The following CAPN3 variants were observed in gnomAD, a reference collection of about 807,000 sequenced individuals.
The protein encoded by CAPN3 is calpain-3.
CAPN3 carries 88 observed loss-of-function variants against 114.0 expected under a neutral mutation model. The ratio of observed to expected loss-of-function variants is 0.77; its 90% CI spans 0.65 to 0.92. CAPN3 has a LOEUF of 0.92. Among genes scored for constraint, CAPN3 ranks in the 40% least tolerant of loss-of-function variants. The pLI is 0.00. For synonymous variants in CAPN3, 386 were observed against 382.9 expected (o/e 1.01, Z -0.09); for missense variants, 1,028 against 1,069.0 (o/e 0.96, Z 0.53).
chr15:42,408,984 C>T lies in CAPN3; in HGVS notation c.1915-319C>T, dbSNP rs371231455. The stretch of plus-strand genomic sequence containing the variant: ...GAACGGTCAGACCTTCTTTGACCTG[C>T]GGGCACCTTTAGTTGGAATGGTCAG... On this transcript the variant is annotated intron_variant, in intron 16 of 23. Coordinates refer to ENST00000397163, the MANE Select transcript of CAPN3 (RefSeq NM_000070.3). 114 of 399,004 alleles carry T rather than the reference C, an allele frequency of 2.9e-4. 1 individual carries two copies. The East Asian group carries it at 3.9e-3, about 14-fold the overall frequency. The allele number at this position is 399,004 out of a possible 1,614,324, so 24.7% of individuals were successfully genotyped here.
intron 1 of CAPN3, among the ~76,000 whole-genome samples, chr15:42,380,952 G>A (rs2053236632): frequency 6.6e-6 from 1 of 151,378 alleles, no homozygotes; most frequent in Admixed American, 6.6e-5. Flanking sequence ...TCATGCTAGA[G>A]TTTCCAGTAT....
chr15:42,392,596 T>G (rs751269116), intron 6 of CAPN3, 43 bp from the exon 7 acceptor site: 2 of 1,502,432 alleles, frequency 1.3e-6, no homozygotes, highest in South Asian at 2.3e-5. Flanking sequence ...GCAGAACTTC[T>G]GTTCCCCCGC....
intron 14 of CAPN3, chr15:42,404,185 C>T (rs1274645222): frequency 2.2e-6 from 1 of 458,856 alleles, no homozygotes; most frequent in African/African-American, 2.0e-5. Flanking sequence ...CTCCACTTAC[C>T]AGCGGGGTGA....
chr15:42,399,747 C>T (rs1040610516), intron 10 of CAPN3, 95 bp downstream of exon 10: 30 of 1,056,526 alleles, frequency 2.8e-5, no homozygotes, highest in Admixed American at 5.3e-5. Flanking sequence ...CTGTTCCAGA[C>T]GTCCACTATC....
At chr15:42,411,055 C>A in intron 22 of CAPN3, 55 bp downstream of exon 22, 1 of 1,354,654 alleles carries the variant, frequency 7.4e-7, no homozygotes, top group African/African-American at 1.4e-5. Context: ...GTTGTGGCAA[C>A]AGGCATCTCA....
chr15:42,372,494 C>A (rs145428452), intron 1 of CAPN3, among the ~76,000 whole-genome samples: 1 of 152,160 alleles, frequency 6.6e-6, no homozygotes, highest in African/African-American at 2.4e-5. Context: ...TATTCCTAGG[C>A]ATCTTTTAAC....
At chr15:42,397,299 T>C (rs2053722602) in intron 9 of CAPN3, among the ~76,000 whole-genome samples, 1 of 152,176 alleles carries the variant, frequency 6.6e-6, no homozygotes, top group Non-Finnish European at 1.5e-5. Flanking sequence ...GAGAGCCCCC[T>C]AAGTTCCCCG....
Position 42,411,325 on chromosome 15 carries a change from A to G in CAPN3, c.2419A>G (p.Ile807Val), listed in dbSNP as rs757292344. The G allele has an allele frequency of 6.2e-7, 1 of 1,614,146 alleles. No individual in the cohort carries two copies. The highest frequency in any genetic ancestry group is 8.5e-7 in the Non-Finnish European group (1 of 1,179,998). Reference sequence around the variant, plus strand: ...ATTTGACAAGGATGGAGATGGTATCATCAAGCTCAACGTTCTGGAGGTAAA... The same window carrying G: ...ATTTGACAAGGATGGAGATGGTATCGTCAAGCTCAACGTTCTGGAGGTAAA... ...HAFDKDGDGIIKLNVLEWLQL... is the reference protein window; with the variant it reads ...HAFDKDGDGIVKLNVLEWLQL... Residue 807 changes from isoleucine to valine, a missense_variant, in exon 23 of 24, where the codon ATC (isoleucine) becomes GTC (valine). Ile to Val is a conservative substitution (Grantham distance 29). Coordinates refer to ENST00000397163, the MANE Select transcript of CAPN3 (RefSeq NM_000070.3).
At chr15:42,405,214 T>A (rs887725548) in intron 14 of CAPN3, among the ~76,000 whole-genome samples, 7 of 152,358 alleles carry the variant, frequency 4.6e-5, no homozygotes, top group Middle Eastern at 3.4e-3. Context: ...CAAAAATTTT[T>A]AAAAAATATT....
At chr15:42,396,528 T>C (rs745683316) in intron 8 of CAPN3, among the ~76,000 whole-genome samples, 1 of 152,038 alleles carries the variant, frequency 6.6e-6, no homozygotes, top group Non-Finnish European at 1.5e-5. Flanking sequence ...GTGTGAGCCA[T>C]TGCGAGCAGC....
intron 9 of CAPN3, among the ~76,000 whole-genome samples, chr15:42,399,040 C>T (rs1407290958): frequency 6.6e-6 from 1 of 152,104 alleles, no homozygotes; most frequent in Non-Finnish European, 1.5e-5. Context: ...CTGCCTCAGC[C>T]TCCCAAAGTG....
At chr15:42,406,881 G>C (rs993704668) in intron 15 of CAPN3, among the ~76,000 whole-genome samples, 7 of 152,292 alleles carry the variant, frequency 4.6e-5, no homozygotes, top group South Asian at 2.1e-4. Context: ...TTAGAAGGCA[G>C]AGCAAGCCAA....
intron 15 of CAPN3, among the ~76,000 whole-genome samples, chr15:42,406,709 C>T (rs981223801): frequency 1.3e-5 from 2 of 152,180 alleles, no homozygotes; most frequent in Non-Finnish European, 2.9e-5. Flanking sequence ...CCCTACACTT[C>T]AAGGCCTGTG....
chr15:42,410,500 G>A lies in CAPN3; in HGVS notation c.2184+4G>A. The stretch of plus-strand genomic sequence containing the variant: ...GAACAAGATTAAGGCCTGGCAGGTG[G>A]GAAGAGAAAATGAAGCGTGGGAGTC... On this transcript the variant is annotated splice_donor_region_variant and intron_variant, in intron 20 of 23. Coordinates refer to ENST00000397163, the MANE Select transcript of CAPN3 (RefSeq NM_000070.3). The A allele has an allele frequency of 6.2e-7, 1 of 1,614,034 alleles. No individual in the cohort carries two copies. Among genetic ancestry groups the A allele is most frequent in the African/African-American group, 1.3e-5 (1 of 75,028 alleles).
intron 15 of CAPN3, among the ~76,000 whole-genome samples, chr15:42,406,144 C>T (rs924382679): frequency 6.6e-6 from 1 of 152,184 alleles, no homozygotes. Flanking sequence ...GTGCCAAGCA[C>T]TCTTTTAGGT....
intron 1 of CAPN3, among the ~76,000 whole-genome samples, chr15:42,363,540 C>T (rs76748094): frequency 0.018 from 2,760 of 152,240 alleles, 86 homozygotes; most frequent in African/African-American, 0.063. Context: ...CAGTTCTTGG[C>T]TTCTGTCTTT....
chr15:42,376,471 C>G (rs2053091289), intron 1 of CAPN3, among the ~76,000 whole-genome samples: 1 of 151,398 alleles, frequency 6.6e-6, no homozygotes, highest in Admixed American at 6.6e-5. Context: ...TATTTTGTTG[C>G]TTAGGTTGTC....
At chr15:42,381,989 T>C (rs537040524) in intron 1 of CAPN3, among the ~76,000 whole-genome samples, 1 of 152,348 alleles carries the variant, frequency 6.6e-6, no homozygotes, top group Admixed American at 6.5e-5. Flanking sequence ...TGAATTCTTA[T>C]GTATTAGAAA....
rs1205579654 is a variant in CAPN3 at position 42,366,868 on chromosome 15, C to G, written c.309+6754C>G. On this transcript the variant is annotated intron_variant, in intron 1 of 23. Transcript: ENST00000397163. ...TTTTTTTTTGAGACAGGGTCTCGCT[C>G]TGTTGCCCAGGCTGGAGTGCAGTGT... is the stretch of plus-strand genomic sequence containing the variant. Among the ~76,000 whole-genome samples, 12 of 141,100 alleles carry G rather than the reference C, an allele frequency of 8.5e-5. No individual in the cohort carries two copies. The East Asian group carries it at 2.5e-3, about 29-fold the overall frequency. 92.6% of individuals were successfully genotyped at this position (141,100 alleles called of 152,430 possible).
Sources: allele counts gnomAD v4.1 joint callset (sites outside exome capture counted in the v4.1 genomes callset), GRCh38; gene constraint gnomAD v4.1.1; transcripts MANE v1.5; gene names NCBI Gene and HGNC (gene_info 2026-07-23, HGNC 2026-07-21).